Variants in S1PR1 observed in about 807,000 individuals in gnomAD.
S1PR1 encodes sphingosine 1-phosphate receptor 1.
A neutral mutation model predicts 18.3 loss-of-function variants in S1PR1; 2 were observed. The ratio of observed to expected loss-of-function variants is 0.11; its 90% CI spans 0.04 to 0.34. The LOEUF is 0.34. Among genes scored for constraint, S1PR1 ranks in the 10% least tolerant of loss-of-function variants. S1PR1 has a pLI of 1.00. For synonymous variants in S1PR1, 222 were observed against 211.2 expected (o/e 1.05, Z -0.44); for missense variants, 335 against 493.8 (o/e 0.68, Z 3.05).
chr1:101,237,900 A>C (rs1344761695), intron 1 of S1PR1, among the ~76,000 whole-genome samples: 2 of 151,494 alleles, frequency 1.3e-5, no homozygotes, highest in Non-Finnish European at 2.9e-5. Context: ...ATATTTATGC[A>C]ATCAACTAAT....
In S1PR1 at chr1:101,241,242, C is replaced by T. The variant is rs1557708680; in HGVS notation, c.*1109C>T. The T allele has an allele frequency of 1.2e-5, 2 of 167,196 alleles. No homozygotes were observed. Among genetic ancestry groups the T allele is most frequent in the Admixed American group, 6.5e-5 (1 of 15,276 alleles). The allele number at this position is 167,196 out of a possible 1,614,324, so 10.4% of individuals were successfully genotyped here. On this transcript the variant is annotated 3_prime_UTR_variant, in exon 2 of 2. Transcript: ENST00000305352. The stretch of plus-strand genomic sequence containing the variant: ...ATGTGTATTTCTTAAGAAAATACCA[C>T]CCTCTTGTGCCCTTAAAAGCATTAC...
Position 101,239,446 on chromosome 1 carries a change from G to C in S1PR1, c.462G>C (p.Gly154=). Residue 154 remains glycine, a synonymous_variant, in exon 2 of 2, where the codon GGG becomes GGC. Coordinates refer to ENST00000305352, the MANE Select transcript of S1PR1 (RefSeq NM_001400.5). This position sits in a 1 kb window ranked among gnomAD's most constrained non-coding sequence, Gnocchi z 6.3. ...TGCTGAAAATGAAACTCCACAACGGGAGCAATAACTTCCGCCTCTTCCTGC... is the reference window on the plus strand; with the variant it reads ...TGCTGAAAATGAAACTCCACAACGGCAGCAATAACTTCCGCCTCTTCCTGC... ...ITMLKMKLHN[G]SNNFRLFLLI... 1.2e-6 allele frequency: 2 copies of C among 1,614,152 alleles called. No homozygotes were observed. The highest frequency in any genetic ancestry group is 8.5e-7 in the Non-Finnish European group (1 of 1,180,028).
At chr1:101,237,282 T>C (rs749491353) in intron 1 of S1PR1, among the ~76,000 whole-genome samples, 183 bp downstream of exon 1, 1 of 152,210 alleles carries the variant, frequency 6.6e-6, no homozygotes, top group Non-Finnish European at 1.5e-5. Flanking sequence ...AGATTGTTCT[T>C]GGGCACTTGT....
rs1461490142 is a variant in S1PR1, at chr1:101,239,862, C to T, written c.878C>T (p.Ala293Val). The T allele has an allele frequency of 1.2e-6, 2 of 1,613,598 alleles. No individual in the cohort carries two copies. Among genetic ancestry groups the T allele is most frequent in the African/African-American group, 1.3e-5 (1 of 74,906 alleles). The change falls in exon 2 of 2, where the codon GCG (alanine) becomes GTG (valine). Residue 293 changes from alanine (A) to valine (V), a missense_variant. Physicochemically the swap from Ala to Val is moderately conservative, Grantham distance 64. This residue lies in a region of S1PR1 where 214 missense variants were observed against 366.6 expected (regional missense o/e 0.58). Transcript: ENST00000305352. The surrounding 1 kb of genome is among the most constrained non-coding windows in gnomAD (Gnocchi z 6.3). ...AAGACCTGTGACATCCTCTTCAGAG[C>T]GGAGTACTTCCTGGTGTTAGCTGTG... is the stretch of plus-strand genomic sequence containing the variant. Reference protein sequence around the residue: ...KVKTCDILFRAEYFLVLAVLN... With the variant: ...KVKTCDILFRVEYFLVLAVLN...
At position 101,237,031 on chromosome 1, in the gene S1PR1, CAGCAAGATGCGAAGCGAG is replaced by C. The variant is rs1652707688; in HGVS notation, c.-231_-214del. On this transcript the variant is annotated 5_prime_UTR_variant, in exon 1 of 2. It removes an upstream start codon present in the reference 5' UTR. Transcript: ENST00000305352. ...GCACTACGCAGTCAGTCGGGGGCAG[CAGCAAGATGCGAAGCGAG>C]CCGTACAGATCCCGGGCTCTCCGAA... 1 of 152,208 alleles carries C rather than the reference CAGCAAGATGCGAAGCGAG, an allele frequency of 6.6e-6. No homozygotes were observed. Among genetic ancestry groups the C allele is most frequent in the South Asian group, 2.1e-4 (1 of 4,822 alleles). 9.4% of individuals were successfully genotyped at this position (152,208 alleles called of 1,614,324 possible).
At position 101,240,151 on chromosome 1, in the gene S1PR1, C is replaced by T. The variant is rs1652838041; in HGVS notation, c.*18C>T. On this transcript the variant is annotated 3_prime_UTR_variant, in exon 2 of 2. Transcript: ENST00000305352. ...CTTCCTAGAACTGGAAGCTGTCCAC[C>T]CACCGGAAGCGCTCTTTACTTGGTC... is the stretch of plus-strand genomic sequence containing the variant. 1.2e-6 allele frequency: 2 copies of T among 1,612,814 alleles called. No individual in the cohort carries two copies. Among genetic ancestry groups the T allele is most frequent in the South Asian group, 1.1e-5 (1 of 91,076 alleles).
rs1253993699 is a variant in S1PR1, at chr1:101,239,033, T to C, written c.49T>C (p.Ser17Pro). The change falls in exon 2 of 2, where the codon TCT (serine) becomes CCT (proline). Residue 17 changes from serine (S) to proline (P), a missense_variant. Physicochemically the swap from Ser to Pro is moderately conservative, Grantham distance 74. This residue lies in a region of S1PR1 where 31 missense variants were observed against 29.6 expected (regional missense o/e 1.05). Transcript: ENST00000305352. The surrounding 1 kb of genome is among the most constrained non-coding windows in gnomAD (Gnocchi z 6.3). ...PLVKAHRSSV[S>P]DYVNYDIIVR... ...GGTCAAGGCCCACCGCAGCTCGGTC[T>C]CTGACTACGTCAACTATGATATCAT... The C allele has an allele frequency of 1.2e-6, 2 of 1,614,266 alleles. No individual in the cohort carries two copies. Among genetic ancestry groups the C allele is most frequent in the South Asian group, 2.2e-5 (2 of 91,086 alleles).
At position 101,238,951 on chromosome 1, in the gene S1PR1, C is replaced by T. The variant is rs757762264; in HGVS notation, c.-34C>T. On this transcript the variant is annotated 5_prime_UTR_variant, in exon 2 of 2. Transcript: ENST00000305352. Reference sequence around the variant, plus strand: ...CTCTAGCGTTCGTCTGGAGTAGCGCCACCCCGGCTTCCTGGGGACACAGGG... The same window carrying T: ...CTCTAGCGTTCGTCTGGAGTAGCGCTACCCCGGCTTCCTGGGGACACAGGG... 11 of 1,579,554 alleles carry T rather than the reference C, an allele frequency of 7.0e-6. No homozygotes were observed. In the South Asian group the frequency reaches 1.2e-4, roughly 17 times the overall value.
In S1PR1 at chr1:101,239,561, A is replaced by T. The variant is rs74454232; in HGVS notation, c.577A>T (p.Thr193Ser). The change falls in exon 2 of 2, where the codon ACC becomes TCC. Residue 193 changes from threonine (T) to serine (S), a missense_variant. This residue lies in a region of S1PR1 where 214 missense variants were observed against 366.6 expected (regional missense o/e 0.58). Transcript: ENST00000305352. The surrounding 1 kb of genome is among the most constrained non-coding windows in gnomAD (Gnocchi z 6.3). ...CATCAGTGCGCTGTCCAGCTGCTCC[A>T]CCGTGCTGCCGCTCTACCACAAGCA... ...NCISALSSCS[T>S]VLPLYHKHYI... is the part of the protein sequence containing the mutation. The T allele has an allele frequency of 6.2e-7, 1 of 1,613,892 alleles. No homozygotes were observed. Among genetic ancestry groups the T allele is most frequent in the South Asian group, 1.1e-5 (1 of 91,060 alleles).
At position 101,239,680 on chromosome 1, in the gene S1PR1, C is replaced by A. The variant is rs1306023076; in HGVS notation, c.696C>A (p.Ser232Arg). 8 of 1,613,948 alleles carry A rather than the reference C, an allele frequency of 5.0e-6. No homozygotes were observed. Among genetic ancestry groups the A allele is most frequent in the Non-Finnish European group, 6.8e-6 (8 of 1,180,034 alleles). Residue 232 changes from serine to arginine, a missense_variant, in exon 2 of 2, where the codon AGC (serine) becomes AGA (arginine). Physicochemically the swap from Ser to Arg is moderately radical, Grantham distance 110 (BLOSUM62 -1). This residue lies in a region of S1PR1 where 214 missense variants were observed against 366.6 expected (regional missense o/e 0.58). Coordinates refer to ENST00000305352, the MANE Select transcript of S1PR1 (RefSeq NM_001400.5). The surrounding 1 kb of genome is among the most constrained non-coding windows in gnomAD (Gnocchi z 6.3). ...CRIYSLVRTR[S>R]RRLTFRKNIS... ...TCTACTCCTTGGTCAGGACTCGGAG[C>A]CGCCGCCTGACGTTCCGCAAGAACA...
intron 1 of S1PR1, among the ~76,000 whole-genome samples, chr1:101,237,328 CT>C (rs1001945715): frequency 1.3e-5 from 2 of 152,172 alleles, no homozygotes; most frequent in Non-Finnish European, 2.9e-5. Context: ...TAATTCCCAA[CT>C]GTGGAACCTA....
At chr1:101,241,725 T>C (rs908617097), downstream of S1PR1, among the ~76,000 whole-genome samples, 1 of 152,194 alleles carries the variant, frequency 6.6e-6, no homozygotes, top group Non-Finnish European at 1.5e-5. Context: ...TGAAGAGTAG[T>C]AAAGAATGAG....
intron 1 of S1PR1, 136 bp from the exon 2 acceptor site, chr1:101,238,685 AT>A: frequency 2.9e-6 from 1 of 348,092 alleles, no homozygotes; most frequent in Non-Finnish European, 5.2e-6. Flanking sequence ...TTTAAAAAAA[AT>A]CTCTCTCCCT....
Position 101,239,060 on chromosome 1 carries a change from G to T in S1PR1, c.76G>T (p.Val26Phe), listed in dbSNP as rs202012163. Residue 26 changes from valine (V) to phenylalanine (F), a missense_variant, in exon 2 of 2, where the codon GTC becomes TTC. Transcript: ENST00000305352. The surrounding 1 kb of genome is among the most constrained non-coding windows in gnomAD (Gnocchi z 6.3). The part of the protein sequence containing the change: ...VSDYVNYDII[V>F]RHYNYTGKLN... ...TGACTACGTCAACTATGATATCATC[G>T]TCCGGCATTACAACTACACGGGAAA... is the stretch of plus-strand genomic sequence containing the variant. The T allele has an allele frequency of 6.2e-7, 1 of 1,614,114 alleles. No homozygotes were observed. Among genetic ancestry groups the T allele is most frequent in the African/African-American group, 1.3e-5 (1 of 74,938 alleles).
chr1:101,238,356 G>T (rs902878880), intron 1 of S1PR1: 2 of 152,450 alleles, frequency 1.3e-5, no homozygotes, highest in Non-Finnish European at 2.9e-5. Flanking sequence ...GAGGAGAGAC[G>T]TGGGCTGGTA....
rs200782157 is a variant in S1PR1, at chr1:101,240,471, G to A, written c.*338G>A. The A allele has an allele frequency of 1.2e-5, 4 of 320,808 alleles. No individual in the cohort carries two copies. Among genetic ancestry groups the A allele is most frequent in the Non-Finnish European group, 2.4e-5 (4 of 164,278 alleles). 19.9% of individuals were successfully genotyped at this position (320,808 alleles called of 1,614,324 possible). On this transcript the variant is annotated 3_prime_UTR_variant, in exon 2 of 2. Transcript: ENST00000305352. ...CCTCCTCAAAGACTAATGTCCCCAT[G>A]TGAAAGCGTCTCTTTGTCTGGAGCT...
downstream of S1PR1, chr1:101,241,666 A>G (rs951688342): frequency 6.5e-6 from 1 of 154,730 alleles, no homozygotes; most frequent in African/African-American, 2.4e-5. Flanking sequence ...TGGTTTGTTT[A>G]GAAACCACTC....
rs1652835223 is a variant in S1PR1 at position 101,240,058 on chromosome 1, C to T, written c.1074C>T (p.Ser358=). 6.2e-7 allele frequency: 1 copy of T among 1,613,724 alleles called. No individual in the cohort carries two copies. Among genetic ancestry groups the T allele is most frequent in the Non-Finnish European group, 8.5e-7 (1 of 1,180,036 alleles). The change falls in exon 2 of 2, where the codon TCC becomes TCT. Residue 358 remains serine (S), a synonymous_variant. Transcript: ENST00000305352. ...TCAGCCGCAGCAAATCGGACAATTC[C>T]TCCCACCCCCAGAAAGACGAAGGGG... ...MEFSRSKSDN[S]SHPQKDEGDN...
Position 101,238,901 on chromosome 1 carries a change from C to A in S1PR1, c.-84C>A. On this transcript the variant is annotated 5_prime_UTR_variant, in exon 2 of 2. Transcript: ENST00000305352. ...ATCACTCATCGAACCACCCCTGAAG[C>A]CAGTGAAGGCTCTCTCGCCTCGCCC... 7.4e-7 allele frequency: 1 copy of A among 1,355,552 alleles called. No individual in the cohort carries two copies. Among genetic ancestry groups the A allele is most frequent in the Non-Finnish European group, 9.9e-7 (1 of 1,006,684 alleles). 84.0% of individuals were successfully genotyped at this position (1,355,552 alleles called of 1,614,324 possible).
Sources: allele counts gnomAD v4.1 joint callset (sites outside exome capture counted in the v4.1 genomes callset), GRCh38; gene constraint gnomAD v4.1.1; regional missense constraint gnomAD v4.1.1; non-coding constraint Gnocchi (gnomAD v3.1); transcripts MANE v1.5; gene names NCBI Gene and HGNC (gene_info 2026-07-23, HGNC 2026-07-21).